Variants in SMAP1 observed in about 807,000 individuals in gnomAD.
SMAP1 encodes the protein small ArfGAP 1.
In SMAP1, 24 loss-of-function variants were observed where a neutral mutation model predicts 58.5. That is an observed-to-expected ratio of 0.41 (90% CI 0.30 to 0.58). SMAP1 has a LOEUF of 0.58. SMAP1 is among the 20% of genes least tolerant of loss of function. The probability of loss-of-function intolerance (pLI) is 0.29; values close to 1 mark genes in which losing one functional copy is unlikely to be tolerated. For missense variants in SMAP1, 563 were observed against 566.3 expected, an observed-to-expected ratio of 0.99 and a Z score of 0.06; for synonymous variants, 216 against 196.6, an observed-to-expected ratio of 1.10 and a Z score of -0.82.
rs1765803105 is a variant in SMAP1, at chr6:70,741,247, T to A, written c.252+8736T>A. 3.3e-5 allele frequency among the ~76,000 whole-genome samples: 5 copies of A among 152,118 alleles called. No homozygotes were observed. In the South Asian group the frequency reaches 1.0e-3, roughly 32 times the overall value. On this transcript the variant is annotated intron_variant, in intron 2 of 10. Coordinates refer to ENST00000370455, the MANE Select transcript of SMAP1 (RefSeq NM_001044305.3). ...AAAGTCTCATCCAAGACAAGGCAAG[T>A]CCCTTCCACCTATGAGCCTGTAAAA...
intron 6 of SMAP1, among the ~76,000 whole-genome samples, chr6:70,799,131 G>C (rs1272888016): frequency 3.3e-5 from 5 of 152,100 alleles, no homozygotes; most frequent in Admixed American, 3.3e-4. Context: ...ACATAGGTAG[G>C]ATTAAGGTGG....
chr6:70,860,957 G>A lies in SMAP1; in HGVS notation c.*623G>A, dbSNP rs1771696043. 8.5e-6 allele frequency: 3 copies of A among 353,122 alleles called. No individual in the cohort carries two copies. Among genetic ancestry groups the A allele is most frequent in the African/African-American group, 6.3e-5 (3 of 47,708 alleles). The allele number at this position is 353,122 out of a possible 1,614,324, so 21.9% of individuals were successfully genotyped here. On this transcript the variant is annotated 3_prime_UTR_variant, in exon 11 of 11. Coordinates refer to ENST00000370455, the MANE Select transcript of SMAP1 (RefSeq NM_001044305.3). The stretch of plus-strand genomic sequence containing the variant: ...AATTCAAATTTTATCTGCCTCTCTT[G>A]TAATTTGGATCTCTTCTTAATGTAC...
At chr6:70,760,326 G>A (rs917650619) in intron 3 of SMAP1, among the ~76,000 whole-genome samples, 1 of 151,744 alleles carries the variant, frequency 6.6e-6, no homozygotes, top group Non-Finnish European at 1.5e-5. Flanking sequence ...ACAAATTATG[G>A]TCATATTTAT....
intron 1 of SMAP1, among the ~76,000 whole-genome samples, chr6:70,681,139 C>T (rs1581989718): frequency 6.6e-6 from 1 of 151,904 alleles, no homozygotes; most frequent in East Asian, 1.9e-4. Flanking sequence ...AATGCATAGG[C>T]TAGGAATGGT....
chr6:70,754,910 ATGTG>A (rs1766422487), intron 2 of SMAP1, 66 bp from the exon 3 acceptor site: 1 of 814,610 alleles, frequency 1.2e-6, no homozygotes. Flanking sequence ...ATATGTATGT[ATGTG>A]TATGTATGTG....
intron 5 of SMAP1, among the ~76,000 whole-genome samples, chr6:70,798,328 A>C (rs915947440): frequency 6.6e-6 from 1 of 151,564 alleles, no homozygotes; most frequent in Non-Finnish European, 1.5e-5. Flanking sequence ...AGTCTAACCT[A>C]ATAAAAGGAT....
chr6:70,668,217 G>C, intron 1 of SMAP1, 76 bp downstream of exon 1: 4 of 1,338,214 alleles, frequency 3.0e-6, no homozygotes, highest in Non-Finnish European at 3.1e-6. Context: ...CGGCGCTCGG[G>C]GCCCGAGCGG....
At chr6:70,675,198 GTTTTTT>G (rs67744035) in intron 1 of SMAP1, among the ~76,000 whole-genome samples, 1 of 109,982 alleles carries the variant, frequency 9.1e-6, no homozygotes, top group African/African-American at 3.5e-5. Flanking sequence ...ATTATATAGT[GTTTTTT>G]TTTTTTTTTT....
chr6:70,751,991 T>TGA (rs528153459), intron 2 of SMAP1, among the ~76,000 whole-genome samples: 8 of 152,096 alleles, frequency 5.3e-5, no homozygotes, highest in Non-Finnish European at 7.4e-5. Context: ...GCATTTTTGG[T>TGA]GAGAGAACCT....
At chr6:70,768,974 G>A (rs1412191672) in intron 3 of SMAP1, among the ~76,000 whole-genome samples, 2 of 152,060 alleles carry the variant, frequency 1.3e-5, no homozygotes, top group East Asian at 3.8e-4. Context: ...TGGTTTCAAA[G>A]AACATCTTTA....
In SMAP1 at chr6:70,861,820, T is replaced by TA; in HGVS notation, c.*1488dup. 1.9e-6 allele frequency: 3 copies of TA among 1,614,076 alleles called. No homozygotes were observed. Among genetic ancestry groups the TA allele is most frequent in the Non-Finnish European group, 2.5e-6 (3 of 1,179,964 alleles). On this transcript the variant is annotated 3_prime_UTR_variant, in exon 11 of 11. Transcript: ENST00000370455. Reference sequence around the variant, plus strand: ...CACTCGAGGTCGGGCAGCACAAGTGTAATGAATACCTTAGTGCAGTTATTT... The same window carrying TA: ...CACTCGAGGTCGGGCAGCACAAGTGTAAATGAATACCTTAGTGCAGTTATTT...
chr6:70,727,306 G>A (rs1181253407), intron 1 of SMAP1, among the ~76,000 whole-genome samples: 2 of 152,028 alleles, frequency 1.3e-5, no homozygotes, highest in East Asian at 1.9e-4. Context: ...ATGGAGTTTG[G>A]CCATGTTGGC....
At chr6:70,705,731 C>CTTATTCTGTCGAAA (rs1767811774) in intron 1 of SMAP1, among the ~76,000 whole-genome samples, 1 of 152,116 alleles carries the variant, frequency 6.6e-6, no homozygotes, top group African/African-American at 2.4e-5. Context: ...ACAGGTATAG[C>CTTATTCTGTCGAAA]GTTCTTATTG....
At chr6:70,746,179 G>A (rs1244885369) in intron 2 of SMAP1, among the ~76,000 whole-genome samples, 1 of 152,090 alleles carries the variant, frequency 6.6e-6, no homozygotes, top group East Asian at 1.9e-4. Context: ...TCTCTTGCCT[G>A]ATTGCCCTGG....
chr6:70,716,944 A>G (rs1194131474), intron 1 of SMAP1, among the ~76,000 whole-genome samples: 1 of 152,120 alleles, frequency 6.6e-6, no homozygotes, highest in Non-Finnish European at 1.5e-5. Flanking sequence ...GCTTCTGTGC[A>G]TTAGATAAGA....
intron 1 of SMAP1, among the ~76,000 whole-genome samples, chr6:70,707,365 T>G (rs1490176769): frequency 6.6e-6 from 1 of 151,022 alleles, no homozygotes; most frequent in South Asian, 2.1e-4. Flanking sequence ...CCTCATTAAC[T>G]TTTTTTTTAG....
At chr6:70,740,926 GT>G (rs1170430423) in intron 2 of SMAP1, among the ~76,000 whole-genome samples, 1 of 152,150 alleles carries the variant, frequency 6.6e-6, no homozygotes, top group Non-Finnish European at 1.5e-5. Flanking sequence ...AGTGAAAGGG[GT>G]TTCCCCTTAT....
intron 5 of SMAP1, among the ~76,000 whole-genome samples, chr6:70,797,469 C>T (rs1301920037): frequency 6.6e-6 from 1 of 152,084 alleles, no homozygotes; most frequent in Non-Finnish European, 1.5e-5. Context: ...AGGTAATTAA[C>T]ATCCTGATTT....
intron 4 of SMAP1, among the ~76,000 whole-genome samples, chr6:70,786,604 A>G (rs1768044029): frequency 2.0e-5 from 3 of 152,160 alleles, no homozygotes; most frequent in South Asian, 4.1e-4. Flanking sequence ...ACTTCAGCAA[A>G]GTCTCAGGAT....
Sources: allele counts gnomAD v4.1 joint callset (sites outside exome capture counted in the v4.1 genomes callset), GRCh38; gene constraint gnomAD v4.1.1; transcripts MANE v1.5; gene names NCBI Gene and HGNC (gene_info 2026-07-23, HGNC 2026-07-21).